The following WWOX variants were observed in gnomAD, a reference collection of about 807,000 sequenced individuals.
WWOX encodes WW domain containing oxidoreductase.
In WWOX, 69 loss-of-function variants were observed where a neutral mutation model predicts 46.2. The observed-to-expected ratio is 1.49, with a 90% CI of 1.23 to 1.82. WWOX has a LOEUF of 1.82. WWOX is among the 40% of genes most tolerant of loss of function. The pLI is 0.00. For synonymous variants in WWOX, 359 were observed against 202.6 expected, an observed-to-expected ratio of 1.77 and a Z score of -6.56; for missense variants, 919 against 542.6, an observed-to-expected ratio of 1.69 and a Z score of -6.89.
intron 8 of WWOX, among the ~76,000 whole-genome samples, chr16:79,159,016 C>G (rs926831216): frequency 6.6e-6 from 1 of 152,214 alleles, no homozygotes; most frequent in Non-Finnish European, 1.5e-5. Context: ...AACTCAAGAA[C>G]AATTTCCTAA....
At chr16:78,216,989 C>T (rs770994986) in intron 5 of WWOX, among the ~76,000 whole-genome samples, 1 of 152,178 alleles carries the variant, frequency 6.6e-6, no homozygotes, top group Non-Finnish European at 1.5e-5. Flanking sequence ...TCCTAAACTG[C>T]CGGGATTACA....
At position 78,797,776 on chromosome 16, in the gene WWOX, C is replaced by G. The variant is rs182747946; in HGVS notation, c.1056+365024C>G. On this transcript the variant is annotated intron_variant, in intron 8 of 8. Coordinates refer to ENST00000566780, the MANE Select transcript of WWOX (RefSeq NM_016373.4). ...GTCGAGGCAGGAGGATCTCTTGAGG[C>G]TAGGAGCTCGAGAACAGTCTGGGCA... is the stretch of plus-strand genomic sequence containing the variant. Among the ~76,000 whole-genome samples the G allele has an allele frequency of 7.5e-4, 114 of 152,266 alleles. 1 individual carries two copies. In the Middle Eastern group the frequency reaches 0.017, roughly 23 times the overall value.
chr16:78,979,986 G>A (rs2046649164), intron 8 of WWOX, among the ~76,000 whole-genome samples: 2 of 152,074 alleles, frequency 1.3e-5, no homozygotes, highest in South Asian at 4.1e-4. Context: ...AAATTAGCTG[G>A]GTGTGTTGGT....
chr16:78,747,067 A>G (rs1000139081), intron 8 of WWOX, among the ~76,000 whole-genome samples: 1 of 151,834 alleles, frequency 6.6e-6, no homozygotes, highest in African/African-American at 2.4e-5. Flanking sequence ...TCCTCCCAAT[A>G]TCCTGCAACC....
intron 5 of WWOX, among the ~76,000 whole-genome samples, chr16:78,346,300 C>G (rs11862932): frequency 0.28 from 33,925 of 119,720 alleles, 11,746 homozygotes; most frequent in African/African-American, 0.52. Flanking sequence ...CATTTGGGTT[C>G]TTCCCAGTTT....
intron 8 of WWOX, among the ~76,000 whole-genome samples, chr16:78,446,734 C>T (rs565674860): frequency 1.4e-5 from 2 of 138,592 alleles, no homozygotes; most frequent in East Asian, 4.3e-4. Context: ...TTTCTCGGCT[C>T]ACTGCAGCCT....
chr16:78,656,590 C>A (rs2047086444), intron 8 of WWOX, among the ~76,000 whole-genome samples: 2 of 152,178 alleles, frequency 1.3e-5, no homozygotes, highest in Non-Finnish European at 2.9e-5. Flanking sequence ...CACTCACTGT[C>A]ATGAGAACAG....
intron 5 of WWOX, chr16:78,266,949 C>G (rs894160166): frequency 2.0e-5 from 3 of 152,148 alleles, no homozygotes; most frequent in Admixed American, 1.3e-4. Flanking sequence ...GGTGAGGTAA[C>G]TGAATCATGG....
At chr16:78,549,721 G>A (rs2044131200) in intron 8 of WWOX, among the ~76,000 whole-genome samples, 1 of 152,138 alleles carries the variant, frequency 6.6e-6, no homozygotes, top group Non-Finnish European at 1.5e-5. Context: ...TAGGAATCAA[G>A]TACATTCTGA....
At chr16:78,575,835 T>G (rs2044865181) in intron 8 of WWOX, among the ~76,000 whole-genome samples, 1 of 152,196 alleles carries the variant, frequency 6.6e-6, no homozygotes, top group South Asian at 2.1e-4. Context: ...AATGCCTAGA[T>G]AAATACTGCA....
At chr16:78,587,321 C>G (rs2045234036) in intron 8 of WWOX, among the ~76,000 whole-genome samples, 1 of 151,268 alleles carries the variant, frequency 6.6e-6, no homozygotes, top group Non-Finnish European at 1.5e-5. Flanking sequence ...GTGTGAGCCA[C>G]TGCGTGAGGC....
intron 8 of WWOX, among the ~76,000 whole-genome samples, chr16:78,686,555 C>T (rs1020225729): frequency 2.0e-5 from 3 of 151,432 alleles, no homozygotes; most frequent in African/African-American, 7.3e-5. Context: ...TTTCTGTTTT[C>T]ACCCCAGAAA....
At chr16:78,796,426 T>A (rs1461902479) in intron 8 of WWOX, among the ~76,000 whole-genome samples, 1 of 152,210 alleles carries the variant, frequency 6.6e-6, no homozygotes, top group Non-Finnish European at 1.5e-5. Context: ...TCCACCTGCT[T>A]CCCATTGGCC....
intron 8 of WWOX, among the ~76,000 whole-genome samples, chr16:78,717,916 C>T (rs1487882373): frequency 6.6e-6 from 1 of 152,098 alleles, no homozygotes. Context: ...CATAGTGGAC[C>T]CAACACCAAG....
At chr16:78,620,446 C>A (rs28418842) in intron 8 of WWOX, among the ~76,000 whole-genome samples, 14,639 of 152,104 alleles carry the variant, frequency 0.096, 973 homozygotes, top group African/African-American at 0.19. Flanking sequence ...CATTCAAGGC[C>A]GAAACTTGGT....
intron 8 of WWOX, among the ~76,000 whole-genome samples, chr16:79,133,669 C>T (rs919416762): frequency 1.3e-5 from 2 of 152,122 alleles, no homozygotes; most frequent in Non-Finnish European, 2.9e-5. Context: ...TGCCGGTGGC[C>T]TGCACTGGGG....
At chr16:78,446,307 G>T (rs372626201) in intron 8 of WWOX, among the ~76,000 whole-genome samples, 8 of 152,154 alleles carry the variant, frequency 5.3e-5, no homozygotes, top group African/African-American at 1.7e-4. Flanking sequence ...GACTGAGGAG[G>T]TCTTGGGTTT....
intron 1 of WWOX, chr16:78,100,178 T>G: frequency 8.0e-7 from 1 of 1,255,834 alleles, no homozygotes; most frequent in East Asian, 4.6e-5. Flanking sequence ...CGCCAAAAAA[T>G]AAAGATGTTT....
At chr16:78,484,257 A>G (rs2667573) in intron 8 of WWOX, among the ~76,000 whole-genome samples, 32,229 of 152,132 alleles carry the variant, frequency 0.21, 3,884 homozygotes, top group African/African-American at 0.33. Flanking sequence ...GCCTTGGCAT[A>G]TATTAAAGTA....
Sources: gnomAD v4.1 joint callset for allele counts (sites outside exome capture counted in the v4.1 genomes callset) on GRCh38, gnomAD v4.1.1 for gene constraint, MANE v1.5 for transcripts, NCBI Gene and HGNC (gene_info 2026-07-23, HGNC 2026-07-21) for gene names.